The following SLC35D4 variants were observed in gnomAD, a reference collection of about 807,000 sequenced individuals.
SLC35D4 encodes the protein solute carrier family 35 member D4, also known as UDP-N-acetylglucosamine transporter SLC35D4.
chr18:23,354,445 G>A, the SLC35D4 span, among the ~76,000 whole-genome samples: 9 of 150,246 alleles, frequency 6.0e-5, no homozygotes, highest in Non-Finnish European at 1.0e-4. Context: ...GGGTGAACCC[G>A]GCAGGCAGAG....
At chr18:23,239,976 G>T in the SLC35D4 span, among the ~76,000 whole-genome samples, 2 of 152,206 alleles carry the variant, frequency 1.3e-5, no homozygotes, top group African/African-American at 4.8e-5. Flanking sequence ...AAATTAGCCA[G>T]GTGTGGTGTT....
chr18:23,252,105 C>T, the SLC35D4 span, among the ~76,000 whole-genome samples: 1 of 151,568 alleles, frequency 6.6e-6, no homozygotes, highest in Admixed American at 6.6e-5. Flanking sequence ...AAAAAAGACT[C>T]CATGCTAAAT....
chr18:23,301,246 G>A, the SLC35D4 span, among the ~76,000 whole-genome samples: 1 of 152,154 alleles, frequency 6.6e-6, no homozygotes, highest in Non-Finnish European at 1.5e-5. Context: ...TAAAATTTGA[G>A]AGGTAATCAG....
chr18:23,353,293 C>T, the SLC35D4 span, among the ~76,000 whole-genome samples: 1 of 152,058 alleles, frequency 6.6e-6, no homozygotes, highest in Non-Finnish European at 1.5e-5. Flanking sequence ...ATCTCCAGAC[C>T]CTTGACTGCC....
the SLC35D4 span, among the ~76,000 whole-genome samples, chr18:23,423,646 G>A: frequency 2.1e-3 from 315 of 152,292 alleles, 1 homozygote; most frequent in African/African-American, 7.4e-3. Context: ...ACTGTGTGAA[G>A]CCCTAAAAGG....
the SLC35D4 span, among the ~76,000 whole-genome samples, chr18:23,417,004 G>A: frequency 6.6e-6 from 1 of 152,178 alleles, no homozygotes; most frequent in Non-Finnish European, 1.5e-5. Flanking sequence ...CACTTTGGGA[G>A]GCTGAGAGGG....
the SLC35D4 span, among the ~76,000 whole-genome samples, chr18:23,345,480 T>TAA: frequency 5.0e-5 from 1 of 20,192 alleles, no homozygotes. Flanking sequence ...AGACTCCATC[T>TAA]CAAAAAAAAA....
chr18:23,257,566 C>T, the SLC35D4 span: 1 of 529,808 alleles, frequency 1.9e-6, no homozygotes, highest in East Asian at 3.5e-5. Context: ...GCTATGGACT[C>T]CTCAAGCACG....
chr18:23,281,618 T>C, the SLC35D4 span, among the ~76,000 whole-genome samples: 4 of 152,300 alleles, frequency 2.6e-5, no homozygotes, highest in South Asian at 2.1e-4. Flanking sequence ...TGAGCCACCA[T>C]GCCTGGCCAA....
chr18:23,430,676 T>C, the SLC35D4 span: 1 of 1,612,262 alleles, frequency 6.2e-7, no homozygotes, highest in Non-Finnish European at 8.5e-7. Context: ...AGACAGCACA[T>C]ACTGAAAAAC....
chr18:23,300,406 C>T, the SLC35D4 span, among the ~76,000 whole-genome samples: 1 of 152,178 alleles, frequency 6.6e-6, no homozygotes, highest in South Asian at 2.1e-4. Flanking sequence ...ACATTTTATA[C>T]ACTTTCCACT....
At chr18:23,437,729 C>A in the SLC35D4 span, 1 of 1,569,676 alleles carries the variant, frequency 6.4e-7, no homozygotes, top group South Asian at 1.2e-5. Context: ...GGAAGATTCT[C>A]CGACTCAAAC....
the SLC35D4 span, among the ~76,000 whole-genome samples, chr18:23,380,893 A>C: frequency 6.6e-6 from 1 of 152,102 alleles, no homozygotes; most frequent in Non-Finnish European, 1.5e-5. Context: ...TTATTTTCAT[A>C]ATCTGAGAAT....
At chr18:23,430,548 T>C in the SLC35D4 span, 2 of 1,175,938 alleles carry the variant, frequency 1.7e-6, no homozygotes, top group Non-Finnish European at 2.5e-6. Flanking sequence ...AAAAAATCTA[T>C]GCAGTTATTA....
chr18:23,381,054 C>A, the SLC35D4 span, among the ~76,000 whole-genome samples: 1 of 152,166 alleles, frequency 6.6e-6, no homozygotes, highest in Non-Finnish European at 1.5e-5. Flanking sequence ...TTCATCAAGG[C>A]TCCTAGCTGT....
At chr18:23,399,526 G>C in the SLC35D4 span, 1 of 1,577,482 alleles carries the variant, frequency 6.3e-7, no homozygotes, top group Non-Finnish European at 8.7e-7. Context: ...AAAGGGGAAA[G>C]GGAGAGAGGA....
chr18:23,397,106 G>C, the SLC35D4 span, among the ~76,000 whole-genome samples: 1 of 152,084 alleles, frequency 6.6e-6, no homozygotes, highest in Non-Finnish European at 1.5e-5. Context: ...GGGCGGCGGG[G>C]GGAGGGTAAA....
the SLC35D4 span, among the ~76,000 whole-genome samples, chr18:23,411,190 GAGAAAGAGAAGGAAGGAA>G: frequency 7.4e-6 from 1 of 135,684 alleles, no homozygotes; most frequent in South Asian, 2.6e-4. Flanking sequence ...GAAGGAAGGA[GAGAAAGAGAAGGAAGGAA>G]AGAAAGAGAG....
chr18:23,427,375 T>A, the SLC35D4 span, among the ~76,000 whole-genome samples: 1 of 152,016 alleles, frequency 6.6e-6, no homozygotes, highest in African/African-American at 2.4e-5. Flanking sequence ...AACAGACACT[T>A]CTCAAAAGAA....
Sources: allele counts gnomAD v4.1 joint callset (sites outside exome capture counted in the v4.1 genomes callset), GRCh38; gene constraint gnomAD v4.1.1; transcripts MANE v1.5; gene names NCBI Gene and HGNC (gene_info 2026-07-23, HGNC 2026-07-21).